PTPRN2: variants seen among roughly 807,000 people sequenced by gnomAD.
PTPRN2 encodes the protein protein tyrosine phosphatase receptor type N2, also known as receptor-type tyrosine-protein phosphatase N2.
A neutral mutation model predicts 118.8 loss-of-function variants in PTPRN2; 74 were observed. That is an observed-to-expected ratio of 0.62 (90% confidence interval 0.52 to 0.76). The LOEUF is 0.76. Among genes scored for constraint, PTPRN2 ranks in the 30% least tolerant of loss-of-function variants. The probability of loss-of-function intolerance (pLI) is 0.00; values close to 1 mark genes in which losing one functional copy is unlikely to be tolerated. For synonymous variants in PTPRN2, 641 were observed against 608.0 expected (o/e 1.05, Z -0.80); for missense variants, 1,481 against 1,394.4 (o/e 1.06, Z -0.99).
At chr7:158,188,207 T>C (rs1825363881) in intron 5 of PTPRN2, among the ~76,000 whole-genome samples, 2 of 71,340 alleles carry the variant, frequency 2.8e-5, no homozygotes, top group African/African-American at 4.1e-5. Context: ...GCCGCCACGC[T>C]CGCCGCCTGA....
chr7:157,982,310 G>C (rs1207302706), intron 11 of PTPRN2, among the ~76,000 whole-genome samples: 1 of 81,238 alleles, frequency 1.2e-5, no homozygotes, highest in African/African-American at 5.1e-5. Flanking sequence ...CCCAAACCCT[G>C]AGTCATAGAG....
intron 12 of PTPRN2, among the ~76,000 whole-genome samples, chr7:157,685,498 G>A (rs1413297599): frequency 1.3e-5 from 2 of 152,120 alleles, no homozygotes; most frequent in South Asian, 2.1e-4. Context: ...GGCTCCCCGA[G>A]GAAGGGGCAC....
At chr7:158,358,776 G>A (rs1327167919) in intron 2 of PTPRN2, among the ~76,000 whole-genome samples, 2 of 152,234 alleles carry the variant, frequency 1.3e-5, no homozygotes, top group Middle Eastern at 3.2e-3. Context: ...TACACTGAGT[G>A]CAGCCAGGGC....
In PTPRN2 at chr7:158,501,391, C is replaced by A. The variant is rs571826218; in HGVS notation, c.113-11606G>T. On this transcript the variant is annotated intron_variant, in intron 1 of 22. Coordinates refer to ENST00000389418, the MANE Select transcript of PTPRN2 (RefSeq NM_002847.5). ...TGGAGCGCCCCAGTTCAGGAGGCCC[C>A]AGTGCTCGCATTCCTGCACCCAGGA... Among the ~76,000 whole-genome samples the A allele has an allele frequency of 1.0e-3, 152 of 152,352 alleles. 1 individual carries two copies. Among genetic ancestry groups the A allele is most frequent in the African/African-American group, 3.5e-3 (146 of 41,588 alleles).
Position 158,424,351 on chromosome 7 carries a change from C to T in PTPRN2, c.163+65384G>A, listed in dbSNP as rs545405566. 2.6e-5 allele frequency among the ~76,000 whole-genome samples: 4 copies of T among 152,324 alleles called. No homozygotes were observed. The South Asian group carries it at 6.2e-4, about 24-fold the overall frequency. ...AATGGAATTCCGTCAAGGAGCAAAGCGAGGCGTTTTCAGAAACTCTGCCTG... is the reference window on the plus strand; with the variant it reads ...AATGGAATTCCGTCAAGGAGCAAAGTGAGGCGTTTTCAGAAACTCTGCCTG... On this transcript the variant is annotated intron_variant, in intron 2 of 22. Coordinates refer to ENST00000389418, the MANE Select transcript of PTPRN2 (RefSeq NM_002847.5).
Position 158,268,569 on chromosome 7 carries a change from G to A in PTPRN2, c.277+48250C>T, listed in dbSNP as rs146339661. Among the ~76,000 whole-genome samples the A allele has an allele frequency of 7.1e-4, 94 of 132,656 alleles. 1 individual carries two copies. In the East Asian group the frequency reaches 0.016, roughly 23 times the overall value. 87.0% of individuals were successfully genotyped at this position (132,656 alleles called of 152,430 possible). On this transcript the variant is annotated intron_variant, in intron 3 of 22. Transcript: ENST00000389418. ...AGGGCGGGTGTGTAATATCCCAGCC[G>A]CACGCACACAGGGCGGGTGTGAAAT...
At chr7:158,055,635 G>A (rs1230893597) in intron 11 of PTPRN2, among the ~76,000 whole-genome samples, 3 of 152,200 alleles carry the variant, frequency 2.0e-5, no homozygotes, top group Non-Finnish European at 2.9e-5. Context: ...AGTCTGATAT[G>A]CAGAAATAAT....
chr7:158,063,649 C>T (rs1172707752), intron 11 of PTPRN2, among the ~76,000 whole-genome samples: 1 of 152,196 alleles, frequency 6.6e-6, no homozygotes, highest in Non-Finnish European at 1.5e-5. Context: ...TGCAGCTTCA[C>T]TCCTGAGGCC....
At chr7:158,330,347 T>TAA (rs555667878) in intron 2 of PTPRN2, among the ~76,000 whole-genome samples, 5 of 2,234 alleles carry the variant, frequency 2.2e-3, no homozygotes, top group Non-Finnish European at 4.4e-3. Context: ...ACTCTCACCC[T>TAA]GAGGTGACAT....
chr7:158,001,925 G>A (rs1481951496), intron 11 of PTPRN2, among the ~76,000 whole-genome samples: 5 of 152,228 alleles, frequency 3.3e-5, no homozygotes, highest in Admixed American at 6.5e-5. Context: ...TGGGACTCCT[G>A]GAGATCCTCC....
At position 157,690,377 on chromosome 7, in the gene PTPRN2, T is replaced by A. The variant is rs111815472; in HGVS notation, c.1789-7440A>T. On this transcript the variant is annotated intron_variant, in intron 12 of 22. Transcript: ENST00000389418. The surrounding 1 kb of genome is among the most constrained non-coding windows in gnomAD (Gnocchi z 7.1). ...CCCTAGTTGCCCGTTAGAGCCCCCA[T>A]GCGCGCCCTCCAGCCTTCGAAAGCT... 0.024 allele frequency among the ~76,000 whole-genome samples: 3,655 copies of A among 152,248 alleles called. 90 individuals are homozygous for A. The highest frequency in any genetic ancestry group is 0.037 in the Non-Finnish European group (2,504 of 67,990).
intron 21 of PTPRN2, among the ~76,000 whole-genome samples, chr7:157,565,275 C>T (rs112765974): frequency 3.6e-4 from 55 of 152,362 alleles, no homozygotes; most frequent in African/African-American, 1.3e-3. Context: ...TACTTAGGAA[C>T]GTACTCCTAG....
chr7:157,825,417 C>G (rs1046620796), intron 12 of PTPRN2, among the ~76,000 whole-genome samples: 2 of 152,172 alleles, frequency 1.3e-5, no homozygotes, highest in Non-Finnish European at 2.9e-5. Flanking sequence ...GCCTCCCCCC[C>G]AGACTTCTTC....
chr7:158,299,974 G>T (rs1800770580), intron 3 of PTPRN2, among the ~76,000 whole-genome samples: 1 of 152,184 alleles, frequency 6.6e-6, no homozygotes, highest in African/African-American at 2.4e-5. Context: ...CCACTGAATG[G>T]TTCATGGGGT....
At chr7:158,250,617 C>G (rs1796595036) in intron 3 of PTPRN2, among the ~76,000 whole-genome samples, 1 of 152,084 alleles carries the variant, frequency 6.6e-6, no homozygotes, top group Admixed American at 6.6e-5. Flanking sequence ...TAGAAAACAA[C>G]GATTTTTATA....
At chr7:157,892,384 T>C (rs1464040965) in intron 12 of PTPRN2, among the ~76,000 whole-genome samples, 1 of 152,258 alleles carries the variant, frequency 6.6e-6, no homozygotes, top group African/African-American at 2.4e-5. Context: ...TGCAAATACT[T>C]TTCAAGATAT....
intron 11 of PTPRN2, among the ~76,000 whole-genome samples, chr7:157,917,234 C>G (rs1447000565): frequency 2.6e-5 from 4 of 152,242 alleles, no homozygotes; most frequent in African/African-American, 7.2e-5. Context: ...GCAAACCGCT[C>G]TCTCTCATTT....
chr7:157,596,704 G>A lies in PTPRN2; in HGVS notation c.2419-1389C>T, dbSNP rs988219791. 3.3e-5 allele frequency among the ~76,000 whole-genome samples: 5 copies of A among 152,196 alleles called. No homozygotes were observed. Among genetic ancestry groups the A allele is most frequent in the African/African-American group, 1.2e-4 (5 of 41,460 alleles). On this transcript the variant is annotated intron_variant, in intron 16 of 22. Transcript: ENST00000389418. This position sits in a 1 kb window ranked among gnomAD's most constrained non-coding sequence, Gnocchi z 4.2. Reference sequence around the variant, plus strand: ...ATCTGCAGAGACCGACCCCCGGAGAGCCGGATGCTGCGCTGGGGGAACCTC... The same window carrying A: ...ATCTGCAGAGACCGACCCCCGGAGAACCGGATGCTGCGCTGGGGGAACCTC...
intron 11 of PTPRN2, among the ~76,000 whole-genome samples, chr7:158,016,408 G>A (rs1249041884): frequency 1.3e-5 from 2 of 152,180 alleles, no homozygotes; most frequent in Non-Finnish European, 2.9e-5. Flanking sequence ...CCAGAGAAGG[G>A]CCGAGTCGAG....
Sources: gnomAD v4.1 joint callset for allele counts (sites outside exome capture counted in the v4.1 genomes callset) on GRCh38, gnomAD v4.1.1 for gene constraint, Gnocchi (gnomAD v3.1) non-coding constraint, MANE v1.5 for transcripts, NCBI Gene and HGNC (gene_info 2026-07-23, HGNC 2026-07-21) for gene names.